Variants in NELL2 observed in about 807,000 individuals in gnomAD.
NELL2 encodes neural EGFL like 2.
A neutral mutation model predicts 109.6 loss-of-function variants in NELL2; 41 were observed. That is an observed-to-expected ratio of 0.37 (90% CI 0.29 to 0.49). The LOEUF (loss-of-function observed/expected upper bound fraction) is 0.49, where lower values mean the gene tolerates loss of function less well. NELL2 is among the 20% of genes least tolerant of loss of function. The pLI is 0.98. For synonymous variants in NELL2, 355 were observed against 344.7 expected, an observed-to-expected ratio of 1.03 and a Z score of -0.33; for missense variants, 900 against 1,008.3, an observed-to-expected ratio of 0.89 and a Z score of 1.45.
In NELL2 at chr12:44,762,172, T is replaced by C. The variant is rs149282252; in HGVS notation, c.994+12575A>G. Among the ~76,000 whole-genome samples the C allele has an allele frequency of 6.7e-3, 1,022 of 152,330 alleles. 7 individuals are homozygous for C. Among genetic ancestry groups the C allele is most frequent in the African/African-American group, 0.019 (778 of 41,578 alleles). On this transcript the variant is annotated intron_variant, in intron 9 of 19. Coordinates refer to ENST00000429094, the MANE Select transcript of NELL2 (RefSeq NM_001145108.2). ...CAGACTCCAGGCTCAAATATCCAAC[T>C]AGTTGCACTACATTGCCACTTAAAT... is the stretch of plus-strand genomic sequence containing the variant.
intron 13 of NELL2, among the ~76,000 whole-genome samples, chr12:44,648,731 ATT>A (rs71459072): frequency 0.082 from 7,278 of 88,846 alleles, 153 homozygotes; most frequent in African/African-American, 0.12. Context: ...ATATATATAT[ATT>A]TTTTTTTTTT....
chr12:44,703,278 A>G (rs1937657848), intron 12 of NELL2, among the ~76,000 whole-genome samples: 1 of 152,230 alleles, frequency 6.6e-6, no homozygotes, highest in Non-Finnish European at 1.5e-5. Context: ...ACTAAATACT[A>G]CAGAGCATGA....
intron 3 of NELL2, among the ~76,000 whole-genome samples, chr12:44,812,069 T>C (rs572171479): frequency 2.3e-4 from 35 of 152,180 alleles, no homozygotes; most frequent in Admixed American, 9.2e-4. Context: ...ATGCACCCAT[T>C]GAAGCGCTGG....
chr12:44,616,884 A>C (rs940525488), intron 13 of NELL2, among the ~76,000 whole-genome samples: 50 of 152,154 alleles, frequency 3.3e-4, no homozygotes, highest in African/African-American at 1.2e-3. Context: ...CCTCAGATAA[A>C]ATATACTCTC....
intron 2 of NELL2, among the ~76,000 whole-genome samples, chr12:44,817,631 C>T (rs114974137): frequency 2.2e-4 from 33 of 152,232 alleles, no homozygotes; most frequent in Non-Finnish European, 4.1e-4. Flanking sequence ...AGCAGAGATA[C>T]GAAAGGGCAT....
intron 9 of NELL2, among the ~76,000 whole-genome samples, chr12:44,739,676 A>C (rs1160126981): frequency 6.6e-6 from 1 of 152,156 alleles, no homozygotes; most frequent in Non-Finnish European, 1.5e-5. Flanking sequence ...GGATCACTTG[A>C]GGTCAGCAGT....
chr12:44,609,040 A>G (rs912017568), intron 14 of NELL2, among the ~76,000 whole-genome samples: 5 of 152,118 alleles, frequency 3.3e-5, no homozygotes, highest in African/African-American at 1.2e-4. Flanking sequence ...TTTTGGGGCC[A>G]TTAACAGTAA....
At chr12:44,517,239 G>T (rs1941310042) in intron 19 of NELL2, among the ~76,000 whole-genome samples, 1 of 151,986 alleles carries the variant, frequency 6.6e-6, no homozygotes, top group Non-Finnish European at 1.5e-5. Context: ...CTTATTTATA[G>T]GTATTTTTTC....
chr12:44,517,904 T>C (rs1272258723), intron 19 of NELL2, among the ~76,000 whole-genome samples: 2 of 152,136 alleles, frequency 1.3e-5, no homozygotes, highest in Non-Finnish European at 2.9e-5. Flanking sequence ...ATAAATAAAA[T>C]AGTGCTTTCA....
chr12:44,665,559 A>G lies in NELL2; in HGVS notation c.1369T>C (p.Cys457Arg). ...GRHYCRENTM[C>R]VNTPGSFMCI... The stretch of plus-strand genomic sequence containing the variant: ...ATAAAAGAACCCGGGGTGTTGACAC[A>G]CATTGTATTTTCACGACAGTAATGG... Residue 457 changes from cysteine to arginine, a missense_variant, in exon 13 of 20, where the codon TGT (cysteine) becomes CGT (arginine). Coordinates refer to ENST00000429094, the MANE Select transcript of NELL2 (RefSeq NM_001145108.2). 6.2e-7 allele frequency: 1 copy of G among 1,613,646 alleles called. No individual in the cohort carries two copies. The highest frequency in any genetic ancestry group is 8.5e-7 in the Non-Finnish European group (1 of 1,179,564).
chr12:44,759,226 T>C (rs752705680), intron 9 of NELL2, among the ~76,000 whole-genome samples: 1 of 152,228 alleles, frequency 6.6e-6, no homozygotes, highest in Non-Finnish European at 1.5e-5. Flanking sequence ...TAAAAAACTG[T>C]AGAAAAGGCT....
intron 2 of NELL2, among the ~76,000 whole-genome samples, chr12:44,850,866 G>A (rs1944513426): frequency 6.6e-6 from 1 of 152,178 alleles, no homozygotes; most frequent in African/African-American, 2.4e-5. Context: ...CAATGTTAAA[G>A]AGAACAGCCA....
chr12:44,673,072 G>A (rs1011041681), intron 12 of NELL2, among the ~76,000 whole-genome samples: 2 of 152,252 alleles, frequency 1.3e-5, no homozygotes, highest in African/African-American at 2.4e-5. Flanking sequence ...GAGACAGAGC[G>A]AAGTAAAAAT....
rs1555190895 is a variant in NELL2 at position 44,644,610 on chromosome 12, A to ATATATATG, written c.1444+20873_1444+20874insCATATATA. On this transcript the variant is annotated intron_variant, in intron 13 of 19. Coordinates refer to ENST00000429094, the MANE Select transcript of NELL2 (RefSeq NM_001145108.2). ...TATATATATATATATATATGTATGT[A>ATATATATG]TATATATATATATATACATACATAT... Among the ~76,000 whole-genome samples the ATATATATG allele has an allele frequency of 1.2e-4, 10 of 84,532 alleles. 1 individual carries two copies. Among genetic ancestry groups the ATATATATG allele is most frequent in the East Asian group, 8.5e-4 (2 of 2,342 alleles). The allele number at this position is 84,532 out of a possible 152,430, so 55.5% of individuals were successfully genotyped here.
intron 9 of NELL2, among the ~76,000 whole-genome samples, chr12:44,724,421 A>G (rs1451068517): frequency 6.6e-6 from 1 of 152,074 alleles, no homozygotes; most frequent in Non-Finnish European, 1.5e-5. Context: ...AGGATACAAA[A>G]TCAGTGTACA....
rs147816854 is a variant in NELL2, at chr12:44,665,515, T to C, written c.1413A>G (p.Gly471=). 1 of 1,613,552 alleles carries C rather than the reference T, an allele frequency of 6.2e-7. No individual in the cohort carries two copies. Among genetic ancestry groups the C allele is most frequent in the Non-Finnish European group, 8.5e-7 (1 of 1,179,492 alleles). ...PGSFMCICKT[G]YIRIDDYSCT... ...ATGAATAATCATCAATTCTGATGTA[T>C]CCAGTTTTGCAGATGCACATAAAAG... The change falls in exon 13 of 20, where the codon GGA becomes GGG. Residue 471 remains glycine (G), a synonymous_variant. Coordinates refer to ENST00000429094, the MANE Select transcript of NELL2 (RefSeq NM_001145108.2).
At chr12:44,688,718 G>A (rs1209137857) in intron 12 of NELL2, among the ~76,000 whole-genome samples, 2 of 152,260 alleles carry the variant, frequency 1.3e-5, no homozygotes, top group Non-Finnish European at 1.5e-5. Flanking sequence ...ATTCATCTGC[G>A]TGTTAAATCT....
At chr12:44,550,318 C>T (rs1471247957) in intron 15 of NELL2, among the ~76,000 whole-genome samples, 1 of 151,690 alleles carries the variant, frequency 6.6e-6, no homozygotes, top group African/African-American at 2.4e-5. Context: ...AACTTGAAAT[C>T]AGGATCTTGA....
At chr12:44,540,419 A>G (rs1357176600) in intron 15 of NELL2, among the ~76,000 whole-genome samples, 1 of 152,182 alleles carries the variant, frequency 6.6e-6, no homozygotes, top group Non-Finnish European at 1.5e-5. Flanking sequence ...GATTACTAAT[A>G]ATTATTAGTG....
Sources: gnomAD v4.1 joint callset for allele counts (sites outside exome capture counted in the v4.1 genomes callset) on GRCh38, gnomAD v4.1.1 for gene constraint, MANE v1.5 for transcripts, NCBI Gene and HGNC (gene_info 2026-07-23, HGNC 2026-07-21) for gene names.